The following ZNF112 variants were observed in gnomAD, a reference collection of about 807,000 sequenced individuals.
ZNF112 encodes zinc finger protein 112.
In ZNF112, 37 loss-of-function variants were observed where a neutral mutation model predicts 77.7. The ratio of observed to expected loss-of-function variants is 0.48; its 90% CI spans 0.37 to 0.63. The LOEUF is 0.63. Among genes scored for constraint, ZNF112 ranks in the 20% least tolerant of loss-of-function variants. The probability of loss-of-function intolerance (pLI) is 0.00; values close to 1 mark genes in which losing one functional copy is unlikely to be tolerated. For missense variants in ZNF112, 950 were observed against 1,077.4 expected, an observed-to-expected ratio of 0.88 and a Z score of 1.66; for synonymous variants, 333 against 363.6, an observed-to-expected ratio of 0.92 and a Z score of 0.96.
chr19:44,340,578 A>AAGAAGGGCAGTGCTG, intron 1 of ZNF112, 36 bp from the exon 2 acceptor site: 1 of 1,613,278 alleles, frequency 6.2e-7, no homozygotes, highest in Non-Finnish European at 8.5e-7. Flanking sequence ...AAGTTTACAG[A>AAGAAGGGCAGTGCTG]AGAAGGGCAG....
upstream of ZNF112, among the ~76,000 whole-genome samples, chr19:44,359,200 C>T (rs184703153): frequency 2.6e-5 from 4 of 151,752 alleles, no homozygotes; most frequent in Admixed American, 2.6e-4. Context: ...TTCCTTCAAG[C>T]TTCTAAGTTT....
chr19:44,337,035 G>A (rs970463020), intron 2 of ZNF112, among the ~76,000 whole-genome samples: 7 of 151,256 alleles, frequency 4.6e-5, no homozygotes, highest in East Asian at 3.9e-4. Context: ...GCATCATTAT[G>A]CCCAGCTAAA....
In ZNF112 at chr19:44,327,310, G is replaced by A. The variant is rs943400194; in HGVS notation, c.*123C>T. ...CCCTCTCATTAAATGTCTCTGTTGT[G>A]TGGTCTCCTGGCCATTATGAATGTT... On this transcript the variant is annotated 3_prime_UTR_variant, in exon 4 of 4. Transcript: ENST00000354340. The A allele has an allele frequency of 2.7e-6, 2 of 748,426 alleles. No homozygotes were observed. The highest frequency in any genetic ancestry group is 1.8e-5 in the African/African-American group (1 of 56,138). 46.4% of individuals were successfully genotyped at this position (748,426 alleles called of 1,614,324 possible). A position where few individuals can be genotyped will look rare whatever the true frequency, so the allele number is the denominator to read the frequency against.
chr19:44,327,823 C>T lies in ZNF112; in HGVS notation c.2334G>A (p.Lys778=), dbSNP rs1970157940. The change falls in exon 4 of 4, where the codon AAG becomes AAA. Residue 778 remains lysine, a synonymous_variant. Transcript: ENST00000354340. The part of the protein sequence containing the change: ...GKPYKCEVCT[K]GFSESSRLQA... ...GAAGGCGTGAACTCTCACTGAAACC[C>T]TTTGTACACACCTCACATTTGTATG... 1.2e-6 allele frequency: 2 copies of T among 1,613,868 alleles called. No individual in the cohort carries two copies. Among genetic ancestry groups the T allele is most frequent in the Admixed American group, 1.7e-5 (1 of 59,970 alleles).
intron 1 of ZNF112, among the ~76,000 whole-genome samples, chr19:44,346,406 T>C (rs969281432): frequency 2.6e-5 from 4 of 152,246 alleles, no homozygotes; most frequent in African/African-American, 7.2e-5. Flanking sequence ...CCATTGTTAC[T>C]ACCATCTTCA....
intron 1 of ZNF112, chr19:44,341,271 C>G: frequency 4.5e-6 from 2 of 448,240 alleles, no homozygotes; most frequent in Non-Finnish European, 8.9e-6. Flanking sequence ...AACTAATGGT[C>G]TAGAATATAA....
rs762339520 is a variant in ZNF112 at position 44,328,129 on chromosome 19, G to C, written c.2028C>G (p.Ala676=). Residue 676 remains alanine, a synonymous_variant, in exon 4 of 4, where the codon GCC becomes GCG. Coordinates refer to ENST00000354340, the MANE Select transcript of ZNF112 (RefSeq NM_013380.4). ...TCTCTCCCGTGTGGACCCTCTGATG[G>C]GCCAAAAGTGTTGAGGCCTTACTGA... is the stretch of plus-strand genomic sequence containing the variant. ...KGFSKASTLL[A]HQRVHTGEKP... The C allele has an allele frequency of 1.9e-6, 3 of 1,613,202 alleles. No individual in the cohort carries two copies. The highest frequency in any genetic ancestry group is 2.5e-6 in the Non-Finnish European group (3 of 1,179,816).
rs780029159 is a variant in ZNF112 at position 44,327,785 on chromosome 19, C to T, written c.2372G>A (p.Arg791Lys). ...SESSRLQAHQ[R>K]VHVEGRPYKC... The stretch of plus-strand genomic sequence containing the variant: ...ATAGGGTCTCCCTTCCACATGAACC[C>T]TTTGGTGTGCTTGAAGGCGTGAACT... Residue 791 changes from arginine to lysine, a missense_variant, in exon 4 of 4, where the codon AGG becomes AAG. Around this residue, in one of 3 missense-constraint regions of ZNF112, gnomAD observed 373 missense variants for 482.8 expected, o/e 0.77. Coordinates refer to ENST00000354340, the MANE Select transcript of ZNF112 (RefSeq NM_013380.4). 12 of 1,613,948 alleles carry T rather than the reference C, an allele frequency of 7.4e-6. No individual in the cohort carries two copies. Among genetic ancestry groups the T allele is most frequent in the Non-Finnish European group, 9.3e-6 (11 of 1,179,988 alleles).
At chr19:44,333,257 T>C (rs1316623396) in intron 3 of ZNF112, among the ~76,000 whole-genome samples, 1 of 152,214 alleles carries the variant, frequency 6.6e-6, no homozygotes, top group Non-Finnish European at 1.5e-5. Context: ...AAAAAAATCT[T>C]TGTTTATGTC....
Position 44,340,450 on chromosome 19 carries a change from C to A in ZNF112, c.90G>T (p.Val30=). 1 of 1,614,094 alleles carries A rather than the reference C, an allele frequency of 6.2e-7. No individual in the cohort carries two copies. The highest frequency in any genetic ancestry group is 8.5e-7 in the Non-Finnish European group (1 of 1,179,964). The part of the protein sequence containing the change: ...DSVQRKLYRD[V]MLENFRNLLL... ...GCAGGTTCCTGAAGTTCTCCAGCAT[C>A]ACATCTCGGTACAGCTTCCTCTGGA... The change falls in exon 2 of 4, where the codon GTG becomes GTT. Residue 30 remains valine (V), a synonymous_variant. Coordinates refer to ENST00000354340, the MANE Select transcript of ZNF112 (RefSeq NM_013380.4).
Position 44,328,347 on chromosome 19 carries a change from T to A in ZNF112, c.1810A>T (p.Lys604Ter), listed in dbSNP as rs1355322942. The part of the protein sequence containing the change: ...QRVHTGEKPY[K>*]CEECGKGFSR... ...AAGCCCTTCCCACACTCCTCACACT[T>A]GTATGGTTTTTCTCCAGTGTGAACT... The change falls in exon 4 of 4, where the codon AAG becomes TAG. Residue 604 changes from lysine (K) to a stop codon, truncating the protein, a stop_gained. Transcript: ENST00000354340. LOFTEE classifies it high-confidence loss of function. 6.2e-7 allele frequency: 1 copy of A among 1,613,696 alleles called. No homozygotes were observed.
At chr19:44,358,279 A>G (rs1970818350), upstream of ZNF112, among the ~76,000 whole-genome samples, 1 of 148,114 alleles carries the variant, frequency 6.8e-6, no homozygotes. Context: ...ATCTGATAAT[A>G]GGGGATTTTT....
intron 3 of ZNF112, 79 bp downstream of exon 3, chr19:44,336,544 A>T: frequency 1.6e-6 from 2 of 1,263,350 alleles, no homozygotes; most frequent in Non-Finnish European, 2.3e-6. Flanking sequence ...AGGAAAGCTT[A>T]AACAGAGAAG....
At chr19:44,360,810 G>T (rs1160548956), upstream of ZNF112, among the ~76,000 whole-genome samples, 3 of 152,154 alleles carry the variant, frequency 2.0e-5, no homozygotes, top group Admixed American at 1.3e-4. Flanking sequence ...CTGGTGGATT[G>T]TAGAGCCCGA....
At position 44,329,597 on chromosome 19, in the gene ZNF112, T is replaced by A. The variant is rs1568660069; in HGVS notation, c.560A>T (p.Asn187Ile). 2.5e-6 allele frequency: 4 copies of A among 1,614,164 alleles called. No individual in the cohort carries two copies. Among genetic ancestry groups the A allele is most frequent in the Non-Finnish European group, 3.4e-6 (4 of 1,180,014 alleles). Reference sequence around the variant, plus strand: ...AATTTGCTGACATCTACACTGATAATTATGTGACTCTTTCAGATACATTTT... The same window carrying A: ...AATTTGCTGACATCTACACTGATAAATATGTGACTCTTTCAGATACATTTT... ...WRKMYLKESHNYQCRCQQISM... is the reference protein window; with the variant it reads ...WRKMYLKESHIYQCRCQQISM... The change falls in exon 4 of 4, where the codon AAT becomes ATT. Residue 187 changes from asparagine (N) to isoleucine (I), a missense_variant. Transcript: ENST00000354340.
Position 44,329,101 on chromosome 19 carries a change from G to A in ZNF112, c.1056C>T (p.Ser352=). The change falls in exon 4 of 4, where the codon TCC becomes TCT. Residue 352 remains serine (S), a synonymous_variant. Transcript: ENST00000354340. The part of the protein sequence containing the change: ...TYELIHTGEM[S]YRHNIYEKAF... ...CTTTCTCATAAATGTTGTGCCTATAGGACATCTCACCTGTGTGGATAAGTT... is the reference window on the plus strand; with the variant it reads ...CTTTCTCATAAATGTTGTGCCTATAAGACATCTCACCTGTGTGGATAAGTT... 6.2e-7 allele frequency: 1 copy of A among 1,613,854 alleles called. No individual in the cohort carries two copies. The highest frequency in any genetic ancestry group is 8.5e-7 in the Non-Finnish European group (1 of 1,179,964).
Position 44,328,370 on chromosome 19 carries a change from ACT to A in ZNF112, c.1785_1786del (p.Arg595SerfsTer11). ...CTTGTATGGTTTTTCTCCAGTGTGAACTCTCTGATGGCCTTGAAGGTATGAAT... is the reference window on the plus strand; with the variant it reads ...CTTGTATGGTTTTTCTCCAGTGTGAACTCTGATGGCCTTGAAGGTATGAAT... On this transcript the variant is annotated frameshift_variant, in exon 4 of 4. Coordinates refer to ENST00000354340, the MANE Select transcript of ZNF112 (RefSeq NM_013380.4). LOFTEE classifies it high-confidence loss of function. 1 of 1,613,632 alleles carries A rather than the reference ACT, an allele frequency of 6.2e-7. No homozygotes were observed. Among genetic ancestry groups the A allele is most frequent in the Non-Finnish European group, 8.5e-7 (1 of 1,179,914 alleles).
chr19:44,333,268 T>G (rs529804025), intron 3 of ZNF112, among the ~76,000 whole-genome samples: 2 of 151,882 alleles, frequency 1.3e-5, no homozygotes, highest in East Asian at 1.9e-4. Context: ...TGTTTATGTC[T>G]TCTTCTTCTT....
rs1398152907 is a variant in ZNF112, at chr19:44,328,332, C to T, written c.1825G>A (p.Gly609Arg). ...GEKPYKCEEC[G>R]KGFSRSSHLQ... is the part of the protein sequence containing the mutation. ...TGTGAACTCCGACTGAAGCCCTTCC[C>T]ACACTCCTCACACTTGTATGGTTTT... Residue 609 changes from glycine (G) to arginine (R), a missense_variant, in exon 4 of 4, where the codon GGG (glycine) becomes AGG (arginine). Physicochemically the swap from Gly to Arg is moderately radical, Grantham distance 125 (BLOSUM62 -2). Coordinates refer to ENST00000354340, the MANE Select transcript of ZNF112 (RefSeq NM_013380.4). 6.2e-7 allele frequency: 1 copy of T among 1,614,070 alleles called. No individual in the cohort carries two copies. The highest frequency in any genetic ancestry group is 1.1e-5 in the South Asian group (1 of 91,076).
Sources: gnomAD v4.1 joint callset for allele counts (sites outside exome capture counted in the v4.1 genomes callset) on GRCh38, gnomAD v4.1.1 for gene constraint, gnomAD v4.1.1 regional missense constraint, MANE v1.5 for transcripts, NCBI Gene and HGNC (gene_info 2026-07-23, HGNC 2026-07-21) for gene names.